The following CCDC15 variants were observed in gnomAD, a reference collection of about 807,000 sequenced individuals.
CCDC15 encodes the protein coiled-coil domain containing 15.
A neutral mutation model predicts 114.5 loss-of-function variants in CCDC15; 105 were observed. The observed-to-expected ratio is 0.92, with a 90% CI of 0.78 to 1.08. The LOEUF (loss-of-function observed/expected upper bound fraction) is 1.08. CCDC15 is among the 50% of genes least tolerant of loss of function. The pLI is 0.00. For synonymous variants in CCDC15, 334 were observed against 377.8 expected (o/e 0.88, Z 1.34); for missense variants, 1,105 against 1,093.6 (o/e 1.01, Z -0.15).
intron 2 of CCDC15, among the ~76,000 whole-genome samples, chr11:124,958,895 T>C (rs1947603711): frequency 6.6e-6 from 1 of 152,212 alleles, no homozygotes. Flanking sequence ...TGTAACGTGT[T>C]AGGTTTTATT....
At chr11:124,969,593 G>T (rs990031183) in intron 4 of CCDC15, among the ~76,000 whole-genome samples, 17 of 151,862 alleles carry the variant, frequency 1.1e-4, no homozygotes, top group African/African-American at 3.4e-4. Context: ...TCTCTTTACA[G>T]TGCTAGTTTT....
intron 4 of CCDC15, among the ~76,000 whole-genome samples, chr11:124,970,793 A>G (rs1466398805): frequency 2.0e-5 from 3 of 152,162 alleles, no homozygotes; most frequent in African/African-American, 7.2e-5. Context: ...ATATTTCTCA[A>G]ATTTTATCCT....
intron 11 of CCDC15, among the ~76,000 whole-genome samples, chr11:125,000,540 G>T (rs543653371): frequency 6.6e-6 from 1 of 152,270 alleles, no homozygotes; most frequent in East Asian, 1.9e-4. Flanking sequence ...AAGAGAGAGA[G>T]CCCATAGTGT....
chr11:125,035,913 TCTAC>T (rs1481412877), intron 13 of CCDC15, among the ~76,000 whole-genome samples: 2 of 152,166 alleles, frequency 1.3e-5, no homozygotes, highest in Non-Finnish European at 2.9e-5. Flanking sequence ...TTTTATTGTT[TCTAC>T]TTATATTTTA....
chr11:125,025,129 A>AGT (rs1555074504), intron 13 of CCDC15, among the ~76,000 whole-genome samples: 17 of 131,428 alleles, frequency 1.3e-4, no homozygotes, highest in Non-Finnish European at 1.7e-4. Context: ...TATATATATG[A>AGT]ATATATATGA....
chr11:125,040,540 G>A (rs1004361831), intron 15 of CCDC15, 50 bp from the exon 16 acceptor site: 2 of 1,545,494 alleles, frequency 1.3e-6, no homozygotes, highest in African/African-American at 2.7e-5. Flanking sequence ...GGCTGGTAGA[G>A]TTGTTTAGAA....
rs369886713 is a variant in CCDC15 at position 124,987,718 on chromosome 11, C to G, written c.1492C>G (p.Gln498Glu). The G allele has an allele frequency of 5.6e-6, 9 of 1,613,868 alleles. No homozygotes were observed. The highest frequency in any genetic ancestry group is 6.8e-6 in the Non-Finnish European group (8 of 1,179,878). The part of the protein sequence containing the change: ...PKDQDILPKY[Q>E]DQNFLPKDQN... ...AGACCAAGATATTCTGCCAAAATAT[C>G]AGGACCAGAATTTTCTACCTAAGGA... Residue 498 changes from glutamine (Q) to glutamate (E), a missense_variant, in exon 8 of 16, where the codon CAG becomes GAG. Transcript: ENST00000344762.
chr11:124,989,774 T>C, intron 8 of CCDC15, among the ~76,000 whole-genome samples: 1 of 152,140 alleles, frequency 6.6e-6, no homozygotes, highest in Non-Finnish European at 1.5e-5. Context: ...TTCCAACTTT[T>C]CTTCTGTAGT....
chr11:125,009,973 G>A (rs1730933), intron 13 of CCDC15, among the ~76,000 whole-genome samples: 16 of 152,246 alleles, frequency 1.1e-4, no homozygotes, highest in Middle Eastern at 6.8e-3. Context: ...ATATGAATGC[G>A]TGTGCCTTTT....
chr11:125,000,952 T>G (rs1212978312), intron 11 of CCDC15, among the ~76,000 whole-genome samples: 1 of 152,168 alleles, frequency 6.6e-6, no homozygotes, highest in Non-Finnish European at 1.5e-5. Context: ...TAAAACACCT[T>G]ATTTAATATA....
chr11:124,992,644 A>G lies in CCDC15; in HGVS notation c.2096A>G (p.Tyr699Cys). Residue 699 changes from tyrosine to cysteine, a missense_variant, in exon 10 of 16, where the codon TAT (tyrosine) becomes TGT (cysteine). By Grantham distance (194) the Tyr-to-Cys change is radical (BLOSUM62 -2). Transcript: ENST00000344762. The part of the protein sequence containing the change: ...REELPLDYHQ[Y>C]VVPKIQDQDS... ...GAATTGCCTCTGGACTATCATCAAT[A>G]TGTTGTACCTAAAATCCAGGACCAA... 1 of 1,599,588 alleles carries G rather than the reference A, an allele frequency of 6.3e-7. No individual in the cohort carries two copies. Among genetic ancestry groups the G allele is most frequent in the South Asian group, 1.1e-5 (1 of 88,108 alleles).
At chr11:125,016,203 A>G (rs963725122) in intron 13 of CCDC15, among the ~76,000 whole-genome samples, 1 of 152,174 alleles carries the variant, frequency 6.6e-6, no homozygotes, top group Non-Finnish European at 1.5e-5. Flanking sequence ...GTAAGAAGGT[A>G]CAAGGACTCC....
intron 4 of CCDC15, among the ~76,000 whole-genome samples, chr11:124,971,567 A>T (rs1399405075): frequency 6.6e-6 from 1 of 152,162 alleles, no homozygotes; most frequent in African/African-American, 2.4e-5. Context: ...CAATATGAGA[A>T]CCAAAAATGC....
chr11:124,995,841 T>C (rs1948358123), intron 11 of CCDC15, among the ~76,000 whole-genome samples: 1 of 151,974 alleles, frequency 6.6e-6, no homozygotes, highest in Non-Finnish European at 1.5e-5. Flanking sequence ...TTCTCCTTTT[T>C]TTTTTTTGAG....
intron 13 of CCDC15, among the ~76,000 whole-genome samples, chr11:125,006,708 T>C (rs1167446927): frequency 6.6e-6 from 1 of 152,208 alleles, no homozygotes; most frequent in Non-Finnish European, 1.5e-5. Context: ...GTGTAAGATC[T>C]GTGTTTAGAG....
intron 2 of CCDC15, among the ~76,000 whole-genome samples, chr11:124,957,003 A>G (rs1413575063): frequency 1.3e-5 from 2 of 152,222 alleles, no homozygotes; most frequent in East Asian, 3.8e-4. Context: ...AATTATTAAT[A>G]AATTAGCATC....
chr11:124,956,552 T>C (rs1947553715), intron 2 of CCDC15, among the ~76,000 whole-genome samples: 1 of 152,240 alleles, frequency 6.6e-6, no homozygotes. Context: ...GACACCTCTT[T>C]GTAATTGCTC....
rs181148458 is a variant in CCDC15, at chr11:125,017,851, A to T, written c.2411+12639A>T. 3.5e-3 allele frequency among the ~76,000 whole-genome samples: 536 copies of T among 152,168 alleles called. 3 individuals are homozygous for T. Among genetic ancestry groups the T allele is most frequent in the South Asian group, 0.013 (64 of 4,822 alleles). On this transcript the variant is annotated intron_variant, in intron 13 of 15. Coordinates refer to ENST00000344762, the MANE Select transcript of CCDC15 (RefSeq NM_025004.3). Reference sequence around the variant, plus strand: ...TTTAACAAAATAGTTTAAAAAGTTTAAAAAAATTTAATGGAAAAAGCATAT... The same window carrying T: ...TTTAACAAAATAGTTTAAAAAGTTTTAAAAAATTTAATGGAAAAAGCATAT...
intron 4 of CCDC15, among the ~76,000 whole-genome samples, chr11:124,969,021 A>T (rs1947834395): frequency 6.6e-6 from 1 of 152,198 alleles, no homozygotes; most frequent in Non-Finnish European, 1.5e-5. Context: ...ATAAGATAGC[A>T]TCTGAGAGCA....
Sources: allele counts gnomAD v4.1 joint callset (sites outside exome capture counted in the v4.1 genomes callset), GRCh38; gene constraint gnomAD v4.1.1; transcripts MANE v1.5; gene names NCBI Gene and HGNC (gene_info 2026-07-23, HGNC 2026-07-21).